Variants in ELN observed in about 807,000 individuals in gnomAD.
ELN encodes elastin.
ELN carries 65 observed loss-of-function variants against 105.8 expected under a neutral mutation model. That is an observed-to-expected ratio of 0.61 (90% CI 0.50 to 0.75). ELN has a LOEUF of 0.75. Ranked by LOEUF, ELN falls within the 30% of genes least tolerant of loss-of-function variation. The pLI is 0.00. For synonymous variants in ELN, 368 were observed against 389.2 expected (o/e 0.95, Z 0.64); for missense variants, 882 against 969.4 (o/e 0.91, Z 1.20).
Position 74,056,677 on chromosome 7 carries a change from G to C in ELN, c.1321G>C (p.Ala441Pro). 3.7e-6 allele frequency: 6 copies of C among 1,613,834 alleles called. No individual in the cohort carries two copies. Among genetic ancestry groups the C allele is most frequent in the Non-Finnish European group, 5.1e-6 (6 of 1,180,026 alleles). Residue 441 changes from alanine (A) to proline (P), a missense_variant, in exon 21 of 33, where the codon GCT becomes CCT. Physicochemically the swap from Ala to Pro is conservative, Grantham distance 27. Transcript: ENST00000252034. ...GVPGVGISPE[A>P]QAAAAAKAAK... ...TCTTTCTCGTTTCCTTGTAGCCGAA[G>C]CTCAGGCAGCAGCTGCCGCCAAGGC...
intron 20 of ELN, 23 bp from the exon 21 acceptor site, chr7:74,056,649 C>T: frequency 6.2e-7 from 1 of 1,613,854 alleles, no homozygotes; most frequent in Middle Eastern, 1.6e-4. Flanking sequence ...CTGAGGGTCT[C>T]TTTCTTTCTC....
rs1554689641 is a variant in ELN, at chr7:74,066,794, C to T, written c.2131+18C>T. 6.2e-7 allele frequency: 1 copy of T among 1,612,512 alleles called. No individual in the cohort carries two copies. Among genetic ancestry groups the T allele is most frequent in the South Asian group, 1.1e-5 (1 of 91,036 alleles). On this transcript the variant is annotated intron_variant, in intron 32 of 32. Transcript: ENST00000252034. ...TTTCCCAGGTATGCCAGGCTCCCTGCCCCTGGGCCCTGCCCTGGAGCTGCA... is the reference window on the plus strand; with the variant it reads ...TTTCCCAGGTATGCCAGGCTCCCTGTCCCTGGGCCCTGCCCTGGAGCTGCA...
intron 17 of ELN, chr7:74,052,223 C>A (rs1304654097): frequency 1.8e-6 from 1 of 569,546 alleles, no homozygotes; most frequent in Admixed American, 3.0e-5. Context: ...CCCACTCCAT[C>A]CCCTCCAGGG....
intron 1 of ELN, among the ~76,000 whole-genome samples, chr7:74,032,082 C>A (rs1185702307): frequency 3.9e-5 from 6 of 152,042 alleles, no homozygotes; most frequent in African/African-American, 1.4e-4. Flanking sequence ...GGGAGGTATG[C>A]AAGCAGAACA....
At chr7:74,048,456 AC>A in intron 14 of ELN, 46 bp from the exon 15 acceptor site, 2 of 1,613,548 alleles carry the variant, frequency 1.2e-6, no homozygotes, top group Non-Finnish European at 1.7e-6. Context: ...CTCTGGAGAT[AC>A]AGGAGCACTG....
At chr7:74,046,312 C>A in intron 11 of ELN, 95 bp downstream of exon 11, 1 of 1,545,364 alleles carries the variant, frequency 6.5e-7, no homozygotes, top group Non-Finnish European at 8.9e-7. Flanking sequence ...TCCAAGCCTG[C>A]CCAATTTCTC....
At chr7:74,051,641 A>G (rs1185309070) in intron 15 of ELN, 109 bp from the exon 16 acceptor site, 4 of 1,294,734 alleles carry the variant, frequency 3.1e-6, no homozygotes, top group Non-Finnish European at 4.3e-6. Context: ...CCCGGGCCCC[A>G]TTCCTGGATA....
At chr7:74,032,641 A>C (rs1554663090) in intron 1 of ELN, among the ~76,000 whole-genome samples, 1 of 152,150 alleles carries the variant, frequency 6.6e-6, no homozygotes, top group African/African-American at 2.4e-5. Context: ...TGCCACCATC[A>C]TCAGGGTCTG....
intron 22 of ELN, among the ~76,000 whole-genome samples, chr7:74,059,421 A>G (rs183180812): frequency 4.2e-4 from 64 of 152,284 alleles, no homozygotes; most frequent in African/African-American, 1.4e-3. Flanking sequence ...GCAGCTCACA[A>G]CTATAATCCC....
intron 29 of ELN, 53 bp from the exon 30 acceptor site, chr7:74,065,641 G>T: frequency 1.9e-6 from 3 of 1,591,424 alleles, no homozygotes; most frequent in South Asian, 2.2e-5. Flanking sequence ...AAAAGACAGG[G>T]CCTGACAGGT....
intron 21 of ELN, chr7:74,057,329 C>A: frequency 7.1e-7 from 1 of 1,409,606 alleles, no homozygotes; most frequent in Non-Finnish European, 9.3e-7. Context: ...CCCTTGCTCC[C>A]CCAAAAAGTG....
rs561371832 is a variant in ELN, at chr7:74,057,402, C to T, written c.1358-238C>T. Reference sequence around the variant, plus strand: ...CCGAGGTGCTGCAGGAGCAGGAGTGCTGGGTGGGCTAGTGCCAGGTGCCCC... The same window carrying T: ...CCGAGGTGCTGCAGGAGCAGGAGTGTTGGGTGGGCTAGTGCCAGGTGCCCC... On this transcript the variant is annotated intron_variant, in intron 21 of 32. Transcript: ENST00000252034. 4.4e-5 allele frequency: 67 copies of T among 1,509,034 alleles called. No individual in the cohort carries two copies. The South Asian group carries it at 8.6e-4, about 19-fold the overall frequency. The allele number at this position is 1,509,034 out of a possible 1,614,324, so 93.5% of individuals were successfully genotyped here.
chr7:74,037,502 C>T (rs1290888424), intron 3 of ELN, among the ~76,000 whole-genome samples: 1 of 152,172 alleles, frequency 6.6e-6, no homozygotes, highest in African/African-American at 2.4e-5. Context: ...CCCATCATCC[C>T]CTTTTGAGGC....
At chr7:74,065,666 T>C (rs1554688615) in intron 29 of ELN, 28 bp from the exon 30 acceptor site, 1 of 1,611,978 alleles carries the variant, frequency 6.2e-7, no homozygotes, top group Admixed American at 1.7e-5. Flanking sequence ...TTGGCATTCC[T>C]GAGCCGTCAT....
rs575249907 is a variant in ELN at position 74,036,626 on chromosome 7, G to A, written c.163+42G>A. The A allele has an allele frequency of 1.9e-6, 3 of 1,613,996 alleles. No individual in the cohort carries two copies. The African/African-American group carries it at 4.0e-5, about 22-fold the overall frequency. On this transcript the variant is annotated intron_variant, in intron 3 of 32. Transcript: ENST00000252034. ...CACTTGTTCATCACTGAAAGGGCCTGGGTTTCACCCGAGCCACATGCATCC... is the reference window on the plus strand; with the variant it reads ...CACTTGTTCATCACTGAAAGGGCCTAGGTTTCACCCGAGCCACATGCATCC...
In ELN at chr7:74,069,368, A is replaced by G. The variant is rs1311983897; in HGVS notation, c.*668A>G. ...CGTCCATTCATCCATCGGTCCGTCC[A>G]TCCATGTCCCCAGTTGACCGCCCGG... On this transcript the variant is annotated 3_prime_UTR_variant, in exon 33 of 33. Transcript: ENST00000252034. 4.2e-6 allele frequency: 1 copy of G among 236,038 alleles called. No homozygotes were observed. Among genetic ancestry groups the G allele is most frequent in the Non-Finnish European group, 8.4e-6 (1 of 119,516 alleles). The allele number at this position is 236,038 out of a possible 1,614,324, so 14.6% of individuals were successfully genotyped here.
At chr7:74,030,151 G>GAT (rs1337461891) in intron 1 of ELN, among the ~76,000 whole-genome samples, 2 of 152,238 alleles carry the variant, frequency 1.3e-5, no homozygotes, top group African/African-American at 4.8e-5. Context: ...TGTGTGAACT[G>GAT]ATGAGCTCGT....
Position 74,052,859 on chromosome 7 carries a change from GAGAA to G in ELN, c.950-292_950-289del, listed in dbSNP as rs1313419605. The G allele has an allele frequency of 1.1e-3, 485 of 422,132 alleles. 1 individual carries two copies. Among genetic ancestry groups the G allele is most frequent in the Middle Eastern group, 2.0e-3 (3 of 1,478 alleles). The allele number at this position is 422,132 out of a possible 1,614,324, so 26.1% of individuals were successfully genotyped here. A position where few individuals can be genotyped will look rare whatever the true frequency, so the allele number is the denominator to read the frequency against. On this transcript the variant is annotated intron_variant, in intron 17 of 32. Coordinates refer to ENST00000252034, the MANE Select transcript of ELN (RefSeq NM_000501.4). Reference sequence around the variant, plus strand: ...AGGGAGAGAGAGAGAGGGAGGGAGAGAGAAAGAAAGAAAGAGAGAGAGAGAGAGA... The same window carrying G: ...AGGGAGAGAGAGAGAGGGAGGGAGAGAGAAAGAAAGAGAGAGAGAGAGAGA...
At chr7:74,042,841 A>G in intron 6 of ELN, 135 bp downstream of exon 6, 3 of 1,537,804 alleles carry the variant, frequency 2.0e-6, no homozygotes, top group East Asian at 2.3e-5. Flanking sequence ...ACTGGGGCTC[A>G]GGGAGGCAGC....
Sources: gnomAD v4.1 joint callset for allele counts (sites outside exome capture counted in the v4.1 genomes callset) on GRCh38, gnomAD v4.1.1 for gene constraint, MANE v1.5 for transcripts, NCBI Gene and HGNC (gene_info 2026-07-23, HGNC 2026-07-21) for gene names.